ACMSD: variants seen among roughly 807,000 people sequenced by gnomAD.
The protein encoded by ACMSD is aminocarboxymuconate semialdehyde decarboxylase.
A neutral mutation model predicts 45.9 loss-of-function variants in ACMSD; 37 were observed. The ratio of observed to expected loss-of-function variants is 0.81; its 90% CI spans 0.62 to 1.06. ACMSD has a LOEUF of 1.06. Ranked by LOEUF, ACMSD falls within the 50% of genes least tolerant of loss-of-function variation. The pLI, the probability that ACMSD is intolerant of heterozygous loss-of-function variation, is 0.00. For synonymous variants in ACMSD, 138 were observed against 148.8 expected, an observed-to-expected ratio of 0.93 and a Z score of 0.53; for missense variants, 434 against 420.9, an observed-to-expected ratio of 1.03 and a Z score of -0.27.
intron 1 of ACMSD, among the ~76,000 whole-genome samples, chr2:134,842,163 G>A (rs1332585564): frequency 6.6e-6 from 1 of 152,146 alleles, no homozygotes; most frequent in South Asian, 2.1e-4. Context: ...GATTGTAGAT[G>A]CTTCCCGGCA....
intron 1 of ACMSD, among the ~76,000 whole-genome samples, chr2:134,843,493 C>G (rs1025129062): frequency 4.6e-5 from 7 of 152,166 alleles, no homozygotes; most frequent in Non-Finnish European, 1.0e-4. Context: ...CACCTCTATG[C>G]TGCACCATGG....
At chr2:134,882,573 T>C (rs906628208) in intron 8 of ACMSD, among the ~76,000 whole-genome samples, 18 of 152,264 alleles carry the variant, frequency 1.2e-4, no homozygotes, top group Admixed American at 9.8e-4. Context: ...ATCTTGGGAA[T>C]ATAAAGCTAA....
rs1164865375 is a variant in ACMSD, at chr2:134,871,033, A to C, written c.649A>C (p.Lys217Gln). ...GGGTGGAGTATTTGAGAAGTTTCCC[A>C]AACTGAAAGTGTGTTTCGCACATGG... ...IMGGVFEKFP[K>Q]LKVCFAHGGG... Residue 217 changes from lysine to glutamine, a missense_variant, in exon 7 of 10, where the codon AAA becomes CAA. By Grantham distance (53) the Lys-to-Gln change is moderately conservative. Coordinates refer to ENST00000356140, the MANE Select transcript of ACMSD (RefSeq NM_138326.3). The C allele has an allele frequency of 6.2e-7, 1 of 1,614,132 alleles. No individual in the cohort carries two copies. Among genetic ancestry groups the C allele is most frequent in the Non-Finnish European group, 8.5e-7 (1 of 1,180,016 alleles).
At chr2:134,840,426 TG>T (rs1686752673) in intron 1 of ACMSD, among the ~76,000 whole-genome samples, 1 of 152,004 alleles carries the variant, frequency 6.6e-6, no homozygotes, top group Admixed American at 6.6e-5. Flanking sequence ...AGTCTGAATG[TG>T]TATGTCCCCC....
intron 8 of ACMSD, among the ~76,000 whole-genome samples, chr2:134,885,273 A>AT (rs1689276203): frequency 1.5e-5 from 1 of 67,352 alleles, no homozygotes; most frequent in African/African-American, 7.6e-5. Flanking sequence ...ATATAAATAT[A>AT]TATATTATAT....
intron 2 of ACMSD, among the ~76,000 whole-genome samples, chr2:134,852,644 G>A (rs1039689971): frequency 2.0e-5 from 3 of 152,168 alleles, no homozygotes; most frequent in African/African-American, 7.2e-5. Context: ...GTTTGGGTTG[G>A]TTGAAGTAGG....
intron 8 of ACMSD, among the ~76,000 whole-genome samples, chr2:134,884,371 T>C (rs1689209077): frequency 6.6e-6 from 1 of 152,200 alleles, no homozygotes; most frequent in South Asian, 2.1e-4. Context: ...TAAAATGGAA[T>C]ATACCCCTTC....
intron 8 of ACMSD, among the ~76,000 whole-genome samples, chr2:134,884,641 G>T (rs571616968): frequency 1.7e-4 from 26 of 152,308 alleles, no homozygotes; most frequent in Non-Finnish European, 3.2e-4. Flanking sequence ...TGCCACAGAT[G>T]TAAGTAGACA....
intron 8 of ACMSD, among the ~76,000 whole-genome samples, chr2:134,891,001 T>C (rs1689752267): frequency 6.6e-6 from 1 of 152,048 alleles, no homozygotes; most frequent in Non-Finnish European, 1.5e-5. Flanking sequence ...TTTTGCTGAG[T>C]TCTTTGAGCT....
chr2:134,850,055 C>G (rs1369071813), intron 2 of ACMSD, among the ~76,000 whole-genome samples: 1 of 151,918 alleles, frequency 6.6e-6, no homozygotes, highest in African/African-American at 2.4e-5. Flanking sequence ...TGTCGGACTC[C>G]TCACTGTTAT....
intron 8 of ACMSD, among the ~76,000 whole-genome samples, chr2:134,892,189 C>T (rs1689826323): frequency 6.6e-6 from 1 of 151,368 alleles, no homozygotes. Flanking sequence ...TGCAATATCT[C>T]CATATAACAA....
chr2:134,886,246 A>ATTATTATTATTATTATTTTTTTTTT, intron 8 of ACMSD, among the ~76,000 whole-genome samples: 57 of 115,434 alleles, frequency 4.9e-4, no homozygotes, highest in Non-Finnish European at 7.3e-4. Context: ...TATTATTATT[A>ATTATTATTATTATTATTTTTTTTTT]TTTTTTTTTT....
chr2:134,898,276 A>T, intron 8 of ACMSD, 65 bp from the exon 9 acceptor site: 2 of 979,606 alleles, frequency 2.0e-6, no homozygotes, highest in Non-Finnish European at 2.9e-6. Flanking sequence ...TAAGTAAACA[A>T]TTGTTTACAG....
At position 134,898,424 on chromosome 2, in the gene ACMSD, TG is replaced by T. The variant is rs1340553751; in HGVS notation, c.934del (p.Asp312MetfsTer27). ...AACTAATAGAGTCCATGGAAGAATTTGATGAAGAAACAAAGGTATAATGTCT... is the reference window on the plus strand; with the variant it reads ...AACTAATAGAGTCCATGGAAGAATTTATGAAGAAACAAAGGTATAATGTCT... The part of the protein sequence containing the change: ...GKLIESMEEF[D>X]EETKNKLKAG... On this transcript the variant is annotated frameshift_variant, in exon 9 of 10. Transcript: ENST00000356140. LOFTEE classifies it high-confidence loss of function. 2 of 1,595,524 alleles carry T rather than the reference TG, an allele frequency of 1.3e-6. No individual in the cohort carries two copies. Among genetic ancestry groups the T allele is most frequent in the Non-Finnish European group, 1.7e-6 (2 of 1,172,080 alleles).
At chr2:134,873,352 C>T (rs989925511) in intron 8 of ACMSD, 2 of 152,132 alleles carry the variant, frequency 1.3e-5, no homozygotes, top group East Asian at 3.8e-4. Flanking sequence ...AAAATGCTAA[C>T]TCAGCAAGTT....
At position 134,891,831 on chromosome 2, in the gene ACMSD, G is replaced by A. The variant is rs188134821; in HGVS notation, c.850-6510G>A. ...TAGCAAAGAAATGGAATTAATCTAA[G>A]TGTCCATCAGTAAATGACTGGATAA... On this transcript the variant is annotated intron_variant, in intron 8 of 9. Coordinates refer to ENST00000356140, the MANE Select transcript of ACMSD (RefSeq NM_138326.3). Among the ~76,000 whole-genome samples the A allele has an allele frequency of 1.5e-3, 228 of 152,168 alleles. 1 individual carries two copies. The highest frequency in any genetic ancestry group is 5.0e-3 in the African/African-American group (206 of 41,510).
intron 2 of ACMSD, among the ~76,000 whole-genome samples, chr2:134,854,864 A>G (rs750389563): frequency 2.1e-4 from 32 of 152,236 alleles, no homozygotes; most frequent in Non-Finnish European, 3.8e-4. Context: ...TAACTTCACC[A>G]GTCAGTGCTG....
chr2:134,861,368 C>T (rs1687841900), intron 3 of ACMSD, among the ~76,000 whole-genome samples: 1 of 152,194 alleles, frequency 6.6e-6, no homozygotes, highest in Non-Finnish European at 1.5e-5. Context: ...TTGTGTGTTG[C>T]ATTCCTTGGC....
intron 1 of ACMSD, among the ~76,000 whole-genome samples, chr2:134,839,830 G>C (rs1686701428): frequency 6.6e-6 from 1 of 152,078 alleles, no homozygotes; most frequent in African/African-American, 2.4e-5. Context: ...GTTTACACAG[G>C]AACATGCTGT....
Sources: gnomAD v4.1 joint callset for allele counts (sites outside exome capture counted in the v4.1 genomes callset) on GRCh38, gnomAD v4.1.1 for gene constraint, MANE v1.5 for transcripts, NCBI Gene and HGNC (gene_info 2026-07-23, HGNC 2026-07-21) for gene names.